Variants in MTM1 observed in about 807,000 individuals in gnomAD.
The protein encoded by MTM1 is myotubularin 1.
Under a neutral mutation model 52.1 loss-of-function variants are expected in MTM1, and 9 were observed. The observed-to-expected ratio is 0.17, with a 90% CI of 0.10 to 0.30. MTM1 has a LOEUF of 0.30. MTM1 is among the 10% of genes least tolerant of loss of function. The pLI, the probability that MTM1 is intolerant of heterozygous loss-of-function variation, is 1.00. For synonymous variants in MTM1, 136 were observed against 163.8 expected (o/e 0.83, Z 1.29); for missense variants, 277 against 470.7 (o/e 0.59, Z 3.81).
At chrX:150,572,746 C>T (rs1308181199) in intron 1 of MTM1, among the ~76,000 whole-genome samples, 1 of 112,359 alleles carries the variant, frequency 8.9e-6, no homozygotes, top group Admixed American at 9.4e-5. Context: ...GAATAAAAAG[C>T]GATCCAGGCT....
rs868957710 is a variant in MTM1, at chrX:150,583,465, A to T, written c.-10-9140A>T. ...ATTATATATATTATATATAATTATA[A>T]ATATATATAAATTATATATATTATA... On this transcript the variant is annotated intron_variant, in intron 1 of 14. Transcript: ENST00000370396. 3.0e-4 allele frequency among the ~76,000 whole-genome samples: 8 copies of T among 26,958 alleles called. 1 individual carries two copies. Among genetic ancestry groups the T allele is most frequent in the African/African-American group, 5.2e-4 (4 of 7,751 alleles). 23.4% of individuals were successfully genotyped at this position (26,958 alleles called of 115,157 possible).
chrX:150,583,915 A>ACATAT (rs2038726554), intron 1 of MTM1, among the ~76,000 whole-genome samples: 1 of 51,948 alleles, frequency 1.9e-5, no homozygotes, highest in African/African-American at 6.9e-5. Flanking sequence ...TATATATAAT[A>ACATAT]TAAAATATAT....
chrX:150,583,886 T>TATTTA (rs2038720294), intron 1 of MTM1, among the ~76,000 whole-genome samples: 1 of 38,000 alleles, frequency 2.6e-5, no homozygotes, highest in Non-Finnish European at 3.8e-5. Flanking sequence ...ATTAAATATA[T>TATTTA]ATATATATTT....
intron 5 of MTM1, among the ~76,000 whole-genome samples, chrX:150,618,078 A>C (rs782006917): frequency 8.9e-6 from 1 of 112,269 alleles, no homozygotes; most frequent in Non-Finnish European, 1.9e-5. Context: ...TTGAACAGAT[A>C]TGTATTGGAA....
chrX:150,599,389 T>C (rs781814869), intron 4 of MTM1, among the ~76,000 whole-genome samples: 9 of 112,059 alleles, frequency 8.0e-5, no homozygotes, highest in African/African-American at 2.6e-4. Context: ...ACTGAAGGAC[T>C]TCCAGTGGAT....
At chrX:150,570,259 C>T (rs1318302967) in intron 1 of MTM1, among the ~76,000 whole-genome samples, 2 of 111,481 alleles carry the variant, frequency 1.8e-5, no homozygotes, top group African/African-American at 6.6e-5. Context: ...GATATATTTT[C>T]TGGCAGAGAT....
chrX:150,604,428 C>T (rs1557412794), intron 4 of MTM1, among the ~76,000 whole-genome samples: 1 of 111,470 alleles, frequency 9.0e-6, no homozygotes, highest in Non-Finnish European at 1.9e-5. Flanking sequence ...CCCAGTTTCT[C>T]TTTCCTTACT....
intron 6 of MTM1, among the ~76,000 whole-genome samples, chrX:150,631,582 G>A (rs1367535638): frequency 6.4e-5 from 6 of 93,800 alleles, no homozygotes; most frequent in Admixed American, 1.4e-4. Context: ...AGAATTGCTT[G>A]AACCTGGGAG....
chrX:150,638,052 T>C (rs1290883125), intron 6 of MTM1, among the ~76,000 whole-genome samples: 1 of 112,222 alleles, frequency 8.9e-6, no homozygotes, highest in Non-Finnish European at 1.9e-5. Context: ...ATCAACCAAG[T>C]AAGAGATGAT....
chrX:150,659,088 C>T (rs987984173), intron 11 of MTM1, among the ~76,000 whole-genome samples: 1 of 111,368 alleles, frequency 9.0e-6, no homozygotes, highest in Non-Finnish European at 1.9e-5. Flanking sequence ...CTCTTGACCT[C>T]GTGATCCGCC....
intron 1 of MTM1, among the ~76,000 whole-genome samples, chrX:150,577,359 A>G (rs1293910651): frequency 8.9e-6 from 1 of 112,293 alleles, no homozygotes; most frequent in Non-Finnish European, 1.9e-5. Flanking sequence ...TGTTTAGTGT[A>G]TGTTTAACTT....
At chrX:150,596,386 T>C in intron 2 of MTM1, 112 bp from the exon 3 acceptor site, 4 of 623,211 alleles carry the variant, frequency 6.4e-6, no homozygotes, top group Non-Finnish European at 1.0e-5. Context: ...ATGCTAAATC[T>C]CTAATGCTTT....
intron 10 of MTM1, among the ~76,000 whole-genome samples, chrX:150,652,352 CA>C (rs1360470114): frequency 9.2e-6 from 1 of 108,154 alleles, no homozygotes. Flanking sequence ...CTGCTTCTTA[CA>C]AAAAACTCAG....
At chrX:150,655,351 T>C (rs956139166) in intron 10 of MTM1, among the ~76,000 whole-genome samples, 1 of 107,349 alleles carries the variant, frequency 9.3e-6, no homozygotes, top group Non-Finnish European at 1.9e-5. Flanking sequence ...AAATTAAACA[T>C]ATATTCACCA....
In MTM1 at chrX:150,608,829, G is replaced by GATT. The variant is rs146537313; in HGVS notation, c.232-5747_232-5745dup. On this transcript the variant is annotated intron_variant, in intron 4 of 14. Coordinates refer to ENST00000370396, the MANE Select transcript of MTM1 (RefSeq NM_000252.3). Reference sequence around the variant, plus strand: ...GGATGATGATGATGATGATGATGATGATTATTATTATTATTTTTGAGATGA... The same window carrying GATT: ...GGATGATGATGATGATGATGATGATGATTATTATTATTATTATTTTTGAGATGA... 2.9e-3 allele frequency among the ~76,000 whole-genome samples: 287 copies of GATT among 98,258 alleles called. 2 individuals are homozygous for GATT. Among genetic ancestry groups the GATT allele is most frequent in the African/African-American group, 9.3e-3 (262 of 28,305 alleles). The allele number at this position is 98,258 out of a possible 115,157, so 85.3% of individuals were successfully genotyped here. A position where few individuals can be genotyped will look rare whatever the true frequency, so the allele number is the denominator to read the frequency against.
At chrX:150,571,148 A>C (rs1444519992) in intron 1 of MTM1, among the ~76,000 whole-genome samples, 1 of 112,253 alleles carries the variant, frequency 8.9e-6, no homozygotes, top group East Asian at 2.8e-4. Context: ...GGGTAACCAG[A>C]GGATTTCAAA....
At chrX:150,604,023 G>A (rs183718606) in intron 4 of MTM1, among the ~76,000 whole-genome samples, 10 of 111,803 alleles carry the variant, frequency 8.9e-5, no homozygotes, top group Non-Finnish European at 1.9e-4. Context: ...GTGAAATGTT[G>A]CAAGTTTCAG....
chrX:150,583,746 AT>A (rs1390778633), intron 1 of MTM1, among the ~76,000 whole-genome samples: 3 of 46,415 alleles, frequency 6.5e-5, no homozygotes, highest in Admixed American at 4.9e-4. Context: ...TTATATATAA[AT>A]TAATATATAT....
At chrX:150,619,535 A>C (rs1489506053) in intron 6 of MTM1, among the ~76,000 whole-genome samples, 1 of 112,349 alleles carries the variant, frequency 8.9e-6, no homozygotes, top group African/African-American at 3.2e-5. Flanking sequence ...GTCAGGACCA[A>C]TTTATTATGC....
Sources: allele counts gnomAD v4.1 joint callset (sites outside exome capture counted in the v4.1 genomes callset), GRCh38; gene constraint gnomAD v4.1.1; transcripts MANE v1.5; gene names NCBI Gene and HGNC (gene_info 2026-07-23, HGNC 2026-07-21).